Variants in PCDHGB4 observed in about 807,000 individuals in gnomAD.
PCDHGB4 encodes the protein protocadherin gamma subfamily B, 4.
Under a neutral mutation model 60.5 loss-of-function variants are expected in PCDHGB4, and 38 were observed. That is an observed-to-expected ratio of 0.63 (90% CI 0.48 to 0.82). PCDHGB4 has a LOEUF of 0.82. PCDHGB4 is among the 40% of genes least tolerant of loss of function. PCDHGB4 has a pLI of 0.00. For synonymous variants in PCDHGB4, 456 were observed against 509.7 expected (o/e 0.89, Z 1.42); for missense variants, 1,109 against 1,209.6 (o/e 0.92, Z 1.23).
In PCDHGB4 at chr5:141,400,151, C is replaced by G. The variant is rs201457414; in HGVS notation, c.2397+9870C>G. ...GTGCTGCCGGATATCACTGACCGCC[C>G]TGTACCCTCTGACCCCCAGGCTGAG... On this transcript the variant is annotated intron_variant, in intron 1 of 3. Transcript: ENST00000519479. 6.4e-5 allele frequency: 104 copies of G among 1,614,086 alleles called. No individual in the cohort carries two copies. The highest frequency in any genetic ancestry group is 4.9e-4 in the Middle Eastern group (3 of 6,062).
chr5:141,497,131 A>G (rs1269110126), intron 2 of PCDHGB4, among the ~76,000 whole-genome samples: 3 of 152,122 alleles, frequency 2.0e-5, no homozygotes, highest in Admixed American at 6.6e-5. Flanking sequence ...GGTTGCAGTG[A>G]GCTGAGATCA....
rs183968443 is a variant in PCDHGB4 at position 141,495,033 on chromosome 5, G to A, written c.2456+168G>A. On this transcript the variant is annotated intron_variant, in intron 2 of 3. Coordinates refer to ENST00000519479, the MANE Select transcript of PCDHGB4 (RefSeq NM_003736.4). ...GGGGCTGGCACACAGACCCCGGAAG[G>A]AAGAGGCGACTGCCCTGACTGTTCA... is the stretch of plus-strand genomic sequence containing the variant. 1.4e-3 allele frequency: 1,380 copies of A among 968,234 alleles called. 4 individuals are homozygous for A. Among genetic ancestry groups the A allele is most frequent in the Middle Eastern group, 5.3e-3 (10 of 1,888 alleles). 60.0% of individuals were successfully genotyped at this position (968,234 alleles called of 1,614,324 possible).
chr5:141,444,329 G>T (rs536314842), intron 1 of PCDHGB4, among the ~76,000 whole-genome samples: 1 of 151,792 alleles, frequency 6.6e-6, no homozygotes, highest in Admixed American at 6.6e-5. Context: ...GTGCCACCAC[G>T]CCCAGCTAAT....
intron 1 of PCDHGB4, chr5:141,413,956 G>A (rs2095696052): frequency 2.5e-6 from 4 of 1,613,366 alleles, no homozygotes; most frequent in African/African-American, 2.7e-5. Flanking sequence ...GAATTTGCCT[G>A]TGGGCACTCA....
chr5:141,403,787 T>A (rs1213408515), intron 1 of PCDHGB4: 3 of 1,613,818 alleles, frequency 1.9e-6, no homozygotes, highest in Non-Finnish European at 2.5e-6. Flanking sequence ...AAAAGTGGCA[T>A]ACAAATTCTG....
At chr5:141,469,259 A>G (rs1263722797) in intron 1 of PCDHGB4, among the ~76,000 whole-genome samples, 1 of 151,822 alleles carries the variant, frequency 6.6e-6, no homozygotes, top group Admixed American at 6.6e-5. Flanking sequence ...CTTGGGCAAC[A>G]GAGCAAGACC....
chr5:141,403,079 T>C (rs770770660), intron 1 of PCDHGB4: 3 of 1,614,064 alleles, frequency 1.9e-6, no homozygotes, highest in Non-Finnish European at 1.7e-6. Flanking sequence ...AGAAAAGGGC[T>C]ATATTGTGGG....
intron 1 of PCDHGB4, chr5:141,418,573 C>T (rs749104686): frequency 6.2e-7 from 1 of 1,613,944 alleles, no homozygotes; most frequent in Non-Finnish European, 8.5e-7. Flanking sequence ...CCAATGACAA[C>T]CCCCCAGTGT....
chr5:141,422,883 C>A, intron 1 of PCDHGB4: 1 of 1,614,242 alleles, frequency 6.2e-7, no homozygotes, highest in Non-Finnish European at 8.5e-7. Flanking sequence ...TGAGCCTGTT[C>A]GTGCTGGACC....
chr5:141,421,713 T>G, intron 1 of PCDHGB4: 1 of 1,613,932 alleles, frequency 6.2e-7, no homozygotes, highest in South Asian at 1.1e-5. Flanking sequence ...GGGATCCAGA[T>G]GTGGGCGTGA....
At chr5:141,394,122 C>G in intron 1 of PCDHGB4, 1 of 1,613,944 alleles carries the variant, frequency 6.2e-7, no homozygotes, top group Middle Eastern at 1.6e-4. Context: ...CACTGAAACT[C>G]AAATCGCTCT....
At chr5:141,394,893 G>A (rs769819389) in intron 1 of PCDHGB4, 7 of 1,613,858 alleles carry the variant, frequency 4.3e-6, no homozygotes, top group South Asian at 2.2e-5. Context: ...ACTCTATCTC[G>A]TGGTGGCAGT....
Position 141,487,399 on chromosome 5 carries a change from G to A in PCDHGB4, c.2398-7408G>A. 1.2e-6 allele frequency: 2 copies of A among 1,614,140 alleles called. No homozygotes were observed. Among genetic ancestry groups the A allele is most frequent in the South Asian group, 1.1e-5 (1 of 91,088 alleles). On this transcript the variant is annotated intron_variant, in intron 1 of 3. Coordinates refer to ENST00000519479, the MANE Select transcript of PCDHGB4 (RefSeq NM_003736.4). The surrounding 1 kb of genome is among the most constrained non-coding windows in gnomAD (Gnocchi z 5.0). ...TCACCAGATCTCGAAGGAGGGAGGGGCTTCCCCCTTCCAATGGGATCCTCC... is the reference window on the plus strand; with the variant it reads ...TCACCAGATCTCGAAGGAGGGAGGGACTTCCCCCTTCCAATGGGATCCTCC...
intron 1 of PCDHGB4, chr5:141,394,693 G>T (rs1310404999): frequency 1.2e-6 from 2 of 1,612,890 alleles, no homozygotes; most frequent in African/African-American, 1.3e-5. Context: ...GGCGAGGTGC[G>T]CACGGCGCGA....
intron 1 of PCDHGB4, chr5:141,395,463 C>G (rs1164636639): frequency 6.9e-6 from 4 of 582,400 alleles, no homozygotes; most frequent in African/African-American, 5.7e-5. Flanking sequence ...CCATTTTAAG[C>G]CTTCCAGTAT....
intron 1 of PCDHGB4, among the ~76,000 whole-genome samples, chr5:141,480,753 G>A (rs1418880497): frequency 1.3e-5 from 2 of 152,144 alleles, no homozygotes; most frequent in Non-Finnish European, 2.9e-5. Flanking sequence ...ATCATTTTTT[G>A]AAGGTCCCCA....
chr5:141,401,290 C>G (rs1460193254), intron 1 of PCDHGB4, among the ~76,000 whole-genome samples: 1 of 151,710 alleles, frequency 6.6e-6, no homozygotes, highest in South Asian at 2.1e-4. Context: ...TGCGGTGAGC[C>G]GAGATCACTC....
chr5:141,410,142 G>A (rs2095361095), intron 1 of PCDHGB4: 3 of 1,612,612 alleles, frequency 1.9e-6, no homozygotes, highest in East Asian at 2.2e-5. Context: ...GTCGCTGTGC[G>A]TGACGGTGGA....
chr5:141,394,489 C>T (rs989814835), intron 1 of PCDHGB4: 5 of 1,614,122 alleles, frequency 3.1e-6, no homozygotes, highest in Non-Finnish European at 4.2e-6. Context: ...AATGACAACG[C>T]GCCCGAGATC....
Sources: gnomAD v4.1 joint callset for allele counts (sites outside exome capture counted in the v4.1 genomes callset) on GRCh38, gnomAD v4.1.1 for gene constraint, Gnocchi (gnomAD v3.1) non-coding constraint, MANE v1.5 for transcripts, NCBI Gene and HGNC (gene_info 2026-07-23, HGNC 2026-07-21) for gene names.